The following TEX261 variants were observed in gnomAD, a reference collection of about 807,000 sequenced individuals.
TEX261 encodes the protein protein TEX261.
Under a neutral mutation model 25.1 loss-of-function variants are expected in TEX261, and 13 were observed. The ratio of observed to expected loss-of-function variants is 0.52; its 90% CI spans 0.34 to 0.82. The LOEUF is 0.82. Among genes scored for constraint, TEX261 ranks in the 40% least tolerant of loss-of-function variants. The probability of loss-of-function intolerance (pLI) is 0.02; values close to 1 mark genes in which losing one functional copy is unlikely to be tolerated. For missense variants in TEX261, 206 were observed against 243.2 expected (o/e 0.85, Z 1.02); for synonymous variants, 92 against 97.8 (o/e 0.94, Z 0.35).
At position 70,988,589 on chromosome 2, in the gene TEX261, C is replaced by G. The variant is rs1441553578; in HGVS notation, c.*11G>C. ...CCTGATCTTGCCCCCCACATCCTGC[C>G]TGCATGGGGGTCAGTATATCTTCTG... On this transcript the variant is annotated 3_prime_UTR_variant, in exon 6 of 6. Coordinates refer to ENST00000272438, the MANE Select transcript of TEX261 (RefSeq NM_144582.3). 11 of 1,599,080 alleles carry G rather than the reference C, an allele frequency of 6.9e-6. No individual in the cohort carries two copies. Among genetic ancestry groups the G allele is most frequent in the African/African-American group, 1.3e-5 (1 of 74,606 alleles).
At position 70,994,838 on chromosome 2, in the gene TEX261, G is replaced by A. The variant is rs182840201; in HGVS notation, c.-81C>T. ...CCGGCGACACACAGCCGCCACCGCC[G>A]CCGCCGCCGCCGCGTCCCCGCCCCG... On this transcript the variant is annotated 5_prime_UTR_variant, in exon 1 of 6. Coordinates refer to ENST00000272438, the MANE Select transcript of TEX261 (RefSeq NM_144582.3). The A allele has an allele frequency of 1.3e-5, 16 of 1,238,326 alleles. No homozygotes were observed. In the East Asian group the frequency reaches 2.2e-4, roughly 17 times the overall value. The allele number at this position is 1,238,326 out of a possible 1,614,324, so 76.7% of individuals were successfully genotyped here.
At position 70,988,075 on chromosome 2, in the gene TEX261, A is replaced by G. The variant is rs1231924703; in HGVS notation, c.*525T>C. 1 of 160,456 alleles carries G rather than the reference A, an allele frequency of 6.2e-6. No homozygotes were observed. The highest frequency in any genetic ancestry group is 2.4e-5 in the African/African-American group (1 of 41,516). 9.9% of individuals were successfully genotyped at this position (160,456 alleles called of 1,614,324 possible). ...GTCCAGTCCAGAGCAGAAGGTTAGC[A>G]GGAAGAAAGGAAGATGAACTGTCAG... On this transcript the variant is annotated 3_prime_UTR_variant, in exon 6 of 6. Coordinates refer to ENST00000272438, the MANE Select transcript of TEX261 (RefSeq NM_144582.3).
intron 4 of TEX261, 99 bp from the exon 5 acceptor site, chr2:70,989,116 A>C (rs2286980): frequency 0.19 from 186,576 of 991,440 alleles, 18,991 homozygotes; most frequent in Non-Finnish European, 0.21. Context: ...AGGGGGCCAC[A>C]CCTGATCTCC....
rs1338459866 is a variant in TEX261 at position 70,988,949 on chromosome 2, C to T, written c.441G>A (p.Gly147=). The T allele has an allele frequency of 6.2e-7, 1 of 1,613,966 alleles. No homozygotes were observed. The highest frequency in any genetic ancestry group is 8.5e-7 in the Non-Finnish European group (1 of 1,180,018). ...PFAFFVSLSA[G]ENVLPSTMQP... ...GCATGGTAGAGGGCAGGACGTTCTC[C>T]CCGGCCGAAAGTGACACAAAAAACG... is the stretch of plus-strand genomic sequence containing the variant. The change falls in exon 5 of 6, where the codon GGG becomes GGA. Residue 147 remains glycine, a synonymous_variant. Transcript: ENST00000272438.
intron 2 of TEX261, among the ~76,000 whole-genome samples, chr2:70,992,800 A>G (rs1371486130): frequency 6.6e-6 from 1 of 152,282 alleles, no homozygotes; most frequent in African/African-American, 2.4e-5. Flanking sequence ...TATATGATTC[A>G]AAGCTCAAAT....
At chr2:70,993,833 C>T in intron 1 of TEX261, 58 bp from the exon 2 acceptor site, 1 of 1,385,986 alleles carries the variant, frequency 7.2e-7, no homozygotes. Context: ...ATCCTGGTCA[C>T]CCCTCTCTCT....
At chr2:70,994,603 G>A (rs1414514042) in intron 1 of TEX261, 85 bp downstream of exon 1, 2 of 1,534,256 alleles carry the variant, frequency 1.3e-6, no homozygotes, top group East Asian at 2.5e-5. Context: ...TCCCCCGAGT[G>A]GCTCCGAAAC....
chr2:70,988,834 T>G (rs1173249794), intron 5 of TEX261, 81 bp downstream of exon 5: 1 of 1,549,336 alleles, frequency 6.5e-7, no homozygotes, highest in Non-Finnish European at 8.9e-7. Flanking sequence ...AGGGCTAGAT[T>G]CAGGTTCCCT....
rs948321361 is a variant in TEX261 at position 70,988,663 on chromosome 2, C to G, written c.528G>C (p.Gly176=). 9.3e-6 allele frequency: 15 copies of G among 1,614,212 alleles called. No homozygotes were observed. The highest frequency in any genetic ancestry group is 1.1e-5 in the Non-Finnish European group (13 of 1,180,034). ...FTKGKRGKRL[G]ILVVFSFIKE... ...TGATGAAGGAGAAGACAACCAGGAT[C>G]CCTAAGCGTTTGCCCCGCTTGCCTT... The change falls in exon 6 of 6, where the codon GGG becomes GGC. Residue 176 remains glycine, a synonymous_variant. Coordinates refer to ENST00000272438, the MANE Select transcript of TEX261 (RefSeq NM_144582.3).
At chr2:70,989,438 A>C (rs1214467990) in intron 4 of TEX261, 1 of 425,194 alleles carries the variant, frequency 2.4e-6, no homozygotes, top group Non-Finnish European at 4.3e-6. Context: ...GGTGCAGTCC[A>C]TCCCTGCCCT....
In TEX261 at chr2:70,988,535, C is replaced by A; in HGVS notation, c.*65G>T. On this transcript the variant is annotated 3_prime_UTR_variant, in exon 6 of 6. Coordinates refer to ENST00000272438, the MANE Select transcript of TEX261 (RefSeq NM_144582.3). ...TGCCTTCCCGACTTCTGGTCCCCAC[C>A]TGGCATAGAGGCCCAGGGGCCTGAC... 2 of 1,326,410 alleles carry A rather than the reference C, an allele frequency of 1.5e-6. No homozygotes were observed. The highest frequency in any genetic ancestry group is 2.2e-6 in the Non-Finnish European group (2 of 920,452). The allele number at this position is 1,326,410 out of a possible 1,614,324, so 82.2% of individuals were successfully genotyped here.
intron 4 of TEX261, 135 bp downstream of exon 4, chr2:70,989,613 GT>G (rs1408918394): frequency 2.9e-6 from 2 of 686,588 alleles, no homozygotes; most frequent in African/African-American, 3.6e-5. Context: ...AACCATCTAT[GT>G]TTTGTTTTTT....
At chr2:70,993,343 C>T (rs993744713) in intron 2 of TEX261, among the ~76,000 whole-genome samples, 4 of 152,242 alleles carry the variant, frequency 2.6e-5, no homozygotes, top group East Asian at 1.9e-4. Flanking sequence ...TGTCTTATGG[C>T]TCCTCTAAGT....
At chr2:70,990,562 C>A (rs572528005) in intron 3 of TEX261, among the ~76,000 whole-genome samples, 1 of 152,280 alleles carries the variant, frequency 6.6e-6, no homozygotes, top group South Asian at 2.1e-4. Flanking sequence ...AGGTGAAGGG[C>A]AGGCACCAGA....
rs368687620 is a variant in TEX261, at chr2:70,987,399, G to A, written c.*1201C>T. 2.6e-5 allele frequency: 4 copies of A among 152,714 alleles called. No homozygotes were observed. Among genetic ancestry groups the A allele is most frequent in the Middle Eastern group, 3.4e-3 (1 of 294 alleles). The allele number at this position is 152,714 out of a possible 1,614,324, so 9.5% of individuals were successfully genotyped here. On this transcript the variant is annotated 3_prime_UTR_variant, in exon 6 of 6. Coordinates refer to ENST00000272438, the MANE Select transcript of TEX261 (RefSeq NM_144582.3). ...CAGGGGTTTTTCCAGTGGCTTAAAT[G>A]TATCACATGTGTACAGTTCATCTCT... is the stretch of plus-strand genomic sequence containing the variant.
At chr2:70,989,331 C>G (rs533347131) in intron 4 of TEX261, 1 of 464,004 alleles carries the variant, frequency 2.2e-6, no homozygotes, top group Non-Finnish European at 3.9e-6. Flanking sequence ...AAGAAGTGAC[C>G]TTGCTCTTCC....
chr2:70,991,295 G>C (rs549732749), intron 3 of TEX261, among the ~76,000 whole-genome samples: 77 of 152,344 alleles, frequency 5.1e-4, no homozygotes, highest in Admixed American at 1.0e-3. Context: ...CAAGAAGACT[G>C]GGTCCTCCAC....
At position 70,989,767 on chromosome 2, in the gene TEX261, T is replaced by G; in HGVS notation, c.354A>C (p.Glu118Asp). ...TTCTTACCTCTGAGAAGGGATAATA[T>G]TCTTCTGCAAAAAACTGAAATGCTA... ...HYLAFQFFAE[E>D]YYPFSEVLAY... Residue 118 changes from glutamate to aspartate, a missense_variant, in exon 4 of 6, where the codon GAA becomes GAC. By Grantham distance (45) the Glu-to-Asp change is conservative. Transcript: ENST00000272438. 3.1e-6 allele frequency: 5 copies of G among 1,612,836 alleles called. No homozygotes were observed. The highest frequency in any genetic ancestry group is 4.2e-6 in the Non-Finnish European group (5 of 1,178,798).
chr2:70,991,823 C>G lies in TEX261; in HGVS notation c.304+7G>C. 6.2e-7 allele frequency: 1 copy of G among 1,612,658 alleles called. No individual in the cohort carries two copies. The highest frequency in any genetic ancestry group is 8.5e-7 in the Non-Finnish European group (1 of 1,179,360). On this transcript the variant is annotated splice_region_variant and intron_variant, in intron 3 of 5. Transcript: ENST00000272438. The stretch of plus-strand genomic sequence containing the variant: ...TCAGCTGCCTCCCCAACTCTGTCCC[C>G]TCTCACCACACGACAGGATGAAGTT...
Sources: gnomAD v4.1 joint callset for allele counts (sites outside exome capture counted in the v4.1 genomes callset) on GRCh38, gnomAD v4.1.1 for gene constraint, MANE v1.5 for transcripts, NCBI Gene and HGNC (gene_info 2026-07-23, HGNC 2026-07-21) for gene names.